Variants in CLASP2 observed in about 807,000 individuals in gnomAD.
The protein encoded by CLASP2 is cytoplasmic linker associated protein 2.
CLASP2 carries 47 observed loss-of-function variants against 194.4 expected under a neutral mutation model. That is an observed-to-expected ratio of 0.24 (90% CI 0.19 to 0.31). The LOEUF (loss-of-function observed/expected upper bound fraction) is 0.31. Ranked by LOEUF, CLASP2 falls within the 10% of genes least tolerant of loss-of-function variation. The pLI, the probability that CLASP2 is intolerant of heterozygous loss-of-function variation, is 1.00. For synonymous variants in CLASP2, 619 were observed against 633.5 expected (o/e 0.98, Z 0.34); for missense variants, 1,445 against 1,823.6 (o/e 0.79, Z 3.78).
At chr3:33,682,699 G>A (rs1245152431) in intron 6 of CLASP2, among the ~76,000 whole-genome samples, 1 of 152,176 alleles carries the variant, frequency 6.6e-6, no homozygotes, top group Non-Finnish European at 1.5e-5. Flanking sequence ...TTAGTGATCT[G>A]ACTAATGCCA....
intron 22 of CLASP2, among the ~76,000 whole-genome samples, chr3:33,583,884 G>T (rs1052640189): frequency 6.6e-6 from 1 of 152,152 alleles, no homozygotes; most frequent in African/African-American, 2.4e-5. Context: ...CAGCAACATG[G>T]TTGATAAAGC....
intron 6 of CLASP2, among the ~76,000 whole-genome samples, chr3:33,665,442 G>T (rs982707164): frequency 1.6e-4 from 24 of 152,098 alleles, no homozygotes; most frequent in African/African-American, 5.3e-4. Context: ...TTTGGGACTG[G>T]GTTGGGCTAA....
At chr3:33,700,661 C>T (rs907174885) in intron 1 of CLASP2, among the ~76,000 whole-genome samples, 1 of 151,898 alleles carries the variant, frequency 6.6e-6, no homozygotes. Flanking sequence ...GCCCAACCAA[C>T]ATGGTAAAAC....
At chr3:33,694,103 C>G (rs111659161) in intron 2 of CLASP2, among the ~76,000 whole-genome samples, 1 of 151,730 alleles carries the variant, frequency 6.6e-6, no homozygotes, top group Admixed American at 6.6e-5. Flanking sequence ...GATTTCAAAA[C>G]GAAATAAGGG....
intron 29 of CLASP2, among the ~76,000 whole-genome samples, chr3:33,555,090 TA>T (rs1208876338): frequency 1.3e-5 from 2 of 151,956 alleles, no homozygotes; most frequent in South Asian, 2.1e-4. Flanking sequence ...TATTCTTACC[TA>T]AAAAAAAGAT....
At chr3:33,585,043 C>T (rs1239185498) in intron 21 of CLASP2, 123 bp from the exon 22 acceptor site, 2 of 762,278 alleles carry the variant, frequency 2.6e-6, no homozygotes, top group African/African-American at 3.6e-5. Flanking sequence ...AGGTTCTACG[C>T]TCAAAGGAAA....
At chr3:33,651,188 G>A (rs1054091887) in intron 7 of CLASP2, among the ~76,000 whole-genome samples, 2 of 152,046 alleles carry the variant, frequency 1.3e-5, no homozygotes, top group Admixed American at 6.6e-5. Flanking sequence ...TTTGAGACCA[G>A]CCTGGCCAAC....
chr3:33,697,050 G>C, intron 1 of CLASP2, 117 bp from the exon 2 acceptor site: 2 of 650,038 alleles, frequency 3.1e-6, no homozygotes, highest in Admixed American at 3.0e-5. Flanking sequence ...TTAAAAATGA[G>C]ATTTAAGTAT....
intron 5 of CLASP2, among the ~76,000 whole-genome samples, chr3:33,685,999 T>G (rs370456965): frequency 1.1e-3 from 165 of 152,180 alleles, no homozygotes; most frequent in African/African-American, 3.8e-3. Flanking sequence ...AATGGTAAAT[T>G]TTATATTGTA....
intron 24 of CLASP2, 21 bp from the exon 25 acceptor site, chr3:33,573,375 C>T (rs767585592): frequency 6.2e-7 from 1 of 1,610,206 alleles, no homozygotes; most frequent in East Asian, 2.2e-5. Context: ...TCAAGAATCT[C>T]ATTAGCAGTA....
intron 1 of CLASP2, among the ~76,000 whole-genome samples, chr3:33,715,494 ACAAAGACAAGGATTTGTCTTTTTT>A: frequency 6.6e-6 from 1 of 152,170 alleles, no homozygotes; most frequent in South Asian, 2.1e-4. Context: ...ATCTAAGTCC[ACAAAGACAAGGATTTGTCTTTTTT>A]TCACATTGTA....
At chr3:33,692,797 T>C (rs1033143949) in intron 2 of CLASP2, among the ~76,000 whole-genome samples, 3 of 152,218 alleles carry the variant, frequency 2.0e-5, no homozygotes, top group Non-Finnish European at 4.4e-5. Context: ...GCTCTCCATA[T>C]GAATGTGTTA....
At chr3:33,500,177 C>A (rs2046515223) in intron 38 of CLASP2, among the ~76,000 whole-genome samples, 1 of 151,996 alleles carries the variant, frequency 6.6e-6, no homozygotes, top group African/African-American at 2.4e-5. Context: ...GGACCACAGG[C>A]ACATGCAACC....
chr3:33,515,080 G>T (rs1447454827), intron 36 of CLASP2, among the ~76,000 whole-genome samples: 1 of 151,852 alleles, frequency 6.6e-6, no homozygotes, highest in Non-Finnish European at 1.5e-5. Flanking sequence ...GAAAGAGTGG[G>T]TGTGGGGTGA....
intron 1 of CLASP2, among the ~76,000 whole-genome samples, chr3:33,701,389 C>G (rs771805756): frequency 1.1e-4 from 17 of 152,196 alleles, no homozygotes; most frequent in Admixed American, 3.3e-4. Flanking sequence ...ACAAGAGGAT[C>G]GCTGGAGACC....
At chr3:33,518,359 T>C (rs1173055440) in intron 34 of CLASP2, among the ~76,000 whole-genome samples, 1 of 152,210 alleles carries the variant, frequency 6.6e-6, no homozygotes, top group Non-Finnish European at 1.5e-5. Context: ...GAATCCACAT[T>C]TGAATGTAAC....
intron 24 of CLASP2, chr3:33,574,494 G>C: frequency 6.6e-7 from 1 of 1,508,826 alleles, no homozygotes; most frequent in Non-Finnish European, 8.9e-7. Context: ...TGTCTCCTAA[G>C]AGCTGAGAGC....
intron 7 of CLASP2, among the ~76,000 whole-genome samples, chr3:33,654,743 A>G (rs549510766): frequency 1.3e-5 from 2 of 152,266 alleles, no homozygotes; most frequent in South Asian, 4.1e-4. Context: ...ACAACTGGCT[A>G]TATTTTAATA....
intron 8 of CLASP2, among the ~76,000 whole-genome samples, chr3:33,636,733 TG>T (rs1275376426): frequency 2.0e-5 from 3 of 152,186 alleles, no homozygotes; most frequent in African/African-American, 7.2e-5. Flanking sequence ...CCATAGCAGC[TG>T]GAACTATAGG....
Sources: gnomAD v4.1 joint callset for allele counts (sites outside exome capture counted in the v4.1 genomes callset) on GRCh38, gnomAD v4.1.1 for gene constraint, MANE v1.5 for transcripts, NCBI Gene and HGNC (gene_info 2026-07-23, HGNC 2026-07-21) for gene names.